The following GLIS3 variants were observed in gnomAD, a reference collection of about 807,000 sequenced individuals.
GLIS3 encodes GLIS family zinc finger 3, also known as zinc finger protein GLIS3.
GLIS3 carries 53 observed loss-of-function variants against 78.6 expected under a neutral mutation model. The ratio of observed to expected loss-of-function variants is 0.67; its 90% CI spans 0.54 to 0.85. The LOEUF is 0.85. Ranked by LOEUF, GLIS3 falls within the 40% of genes least tolerant of loss-of-function variation. The pLI, the probability that GLIS3 is intolerant of heterozygous loss-of-function variation, is 0.00. For missense variants in GLIS3, 1,703 were observed against 1,231.1 expected, an observed-to-expected ratio of 1.38 and a Z score of -5.74; for synonymous variants, 684 against 509.9, an observed-to-expected ratio of 1.34 and a Z score of -4.60.
At chr9:4,356,140 T>C in the GLIS3 span, among the ~76,000 whole-genome samples, 1 of 152,198 alleles carries the variant, frequency 6.6e-6, no homozygotes, top group Non-Finnish European at 1.5e-5. Context: ...CTTGTAATGA[T>C]GGGTTATAAT....
At chr9:4,296,039 C>T (rs1237777558) in intron 1 of GLIS3, among the ~76,000 whole-genome samples, 1 of 152,084 alleles carries the variant, frequency 6.6e-6, no homozygotes, top group Non-Finnish European at 1.5e-5. Context: ...TGTATTTCCA[C>T]CTTATTTACA....
chr9:4,438,217 T>G, the GLIS3 span, among the ~76,000 whole-genome samples: 1 of 152,228 alleles, frequency 6.6e-6, no homozygotes, highest in Non-Finnish European at 1.5e-5. Flanking sequence ...AAAAGTATAA[T>G]AATGAGGCTA....
At chr9:4,393,492 T>C in the GLIS3 span, among the ~76,000 whole-genome samples, 3 of 152,222 alleles carry the variant, frequency 2.0e-5, no homozygotes, top group Non-Finnish European at 4.4e-5. Flanking sequence ...TTATAATATC[T>C]TTTCTAACCA....
intron 2 of GLIS3, among the ~76,000 whole-genome samples, chr9:4,193,168 T>C (rs6476821): frequency 0.18 from 28,082 of 152,282 alleles, 4,139 homozygotes; most frequent in African/African-American, 0.41. Context: ...AGCAAAACTA[T>C]AGCCTGCGAG....
the GLIS3 span, among the ~76,000 whole-genome samples, chr9:4,442,281 G>A: frequency 1.3e-5 from 2 of 152,152 alleles, no homozygotes; most frequent in East Asian, 3.9e-4. Context: ...GTATTTTTCT[G>A]GCATCAGTTG....
chr9:4,085,784 C>T (rs1828972126), intron 4 of GLIS3, among the ~76,000 whole-genome samples: 1 of 152,146 alleles, frequency 6.6e-6, no homozygotes, highest in South Asian at 2.1e-4. Context: ...CACTCTCTCT[C>T]TTGCTCCTGC....
chr9:4,478,635 T>C, the GLIS3 span, among the ~76,000 whole-genome samples: 1 of 151,942 alleles, frequency 6.6e-6, no homozygotes, highest in Admixed American at 6.6e-5. Context: ...TAGTCACCTT[T>C]GGAAGTTGCA....
At chr9:4,145,624 T>C (rs10117067) in intron 2 of GLIS3, among the ~76,000 whole-genome samples, 91,283 of 151,566 alleles carry the variant, frequency 0.6, 27,854 homozygotes, top group South Asian at 0.72. Flanking sequence ...AGCCCGACTC[T>C]GAGAGCAGTC....
At chr9:4,160,606 G>GT (rs2131080708) in intron 2 of GLIS3, among the ~76,000 whole-genome samples, 1 of 152,268 alleles carries the variant, frequency 6.6e-6, no homozygotes, top group Non-Finnish European at 1.5e-5. Context: ...ACCCAAGCTT[G>GT]TTTGACAGTT....
intron 4 of GLIS3, among the ~76,000 whole-genome samples, chr9:4,103,624 A>C (rs1830541027): frequency 6.6e-6 from 1 of 152,190 alleles, no homozygotes; most frequent in Admixed American, 6.5e-5. Context: ...TCATGGTAGA[A>C]CTAACACAAT....
chr9:4,241,162 T>C (rs920812602), intron 2 of GLIS3, among the ~76,000 whole-genome samples: 13 of 152,182 alleles, frequency 8.5e-5, no homozygotes, highest in African/African-American at 3.1e-4. Flanking sequence ...AATCTAAAGG[T>C]ACATTCAACT....
At chr9:4,294,108 C>G (rs985815521) in intron 1 of GLIS3, among the ~76,000 whole-genome samples, 4 of 152,202 alleles carry the variant, frequency 2.6e-5, no homozygotes, top group East Asian at 3.8e-4. Context: ...ATCCTCTAAG[C>G]CCACCCCAAA....
chr9:4,410,739 G>C, the GLIS3 span, among the ~76,000 whole-genome samples: 26 of 152,194 alleles, frequency 1.7e-4, no homozygotes, highest in Non-Finnish European at 3.7e-4. Flanking sequence ...GCATTACTCT[G>C]ATAGGTACTC....
the GLIS3 span, among the ~76,000 whole-genome samples, chr9:4,374,716 C>G: frequency 6.6e-6 from 1 of 152,102 alleles, no homozygotes; most frequent in African/African-American, 2.4e-5. Flanking sequence ...GATGAATGAT[C>G]ACATACATAA....
At chr9:4,412,025 G>A in the GLIS3 span, among the ~76,000 whole-genome samples, 2 of 152,178 alleles carry the variant, frequency 1.3e-5, no homozygotes, top group Admixed American at 6.5e-5. Context: ...GATATCAAAT[G>A]AGAAGGTTGT....
At chr9:4,405,764 T>TA in the GLIS3 span, among the ~76,000 whole-genome samples, 1,578 of 143,318 alleles carry the variant, frequency 0.011, 43 homozygotes, top group Admixed American at 0.059. Flanking sequence ...AAAGACACAT[T>TA]AAAAAAAAAA....
At chr9:4,221,809 C>T (rs1434310614) in intron 2 of GLIS3, among the ~76,000 whole-genome samples, 4 of 152,230 alleles carry the variant, frequency 2.6e-5, no homozygotes, top group South Asian at 4.1e-4. Context: ...CAGTTTGAGA[C>T]AAGAACCTAA....
chr9:4,439,471 T>C, the GLIS3 span, among the ~76,000 whole-genome samples: 39 of 152,258 alleles, frequency 2.6e-4, no homozygotes, highest in African/African-American at 8.7e-4. Flanking sequence ...ACTTGTCTGG[T>C]TTCTGTTTCT....
chr9:3,934,195 T>C (rs572846607), intron 5 of GLIS3, among the ~76,000 whole-genome samples: 36 of 152,326 alleles, frequency 2.4e-4, no homozygotes, highest in Middle Eastern at 6.8e-3. Context: ...TGCATAGCCT[T>C]CTTGCACTAG....
Sources: allele counts gnomAD v4.1 joint callset (sites outside exome capture counted in the v4.1 genomes callset), GRCh38; gene constraint gnomAD v4.1.1; transcripts MANE v1.5; gene names NCBI Gene and HGNC (gene_info 2026-07-23, HGNC 2026-07-21).